Variants in TNC observed in about 807,000 individuals in gnomAD.
TNC encodes the protein tenascin C, also known as tenascin.
A neutral mutation model predicts 202.4 loss-of-function variants in TNC; 109 were observed. That is an observed-to-expected ratio of 0.54 (90% confidence interval 0.46 to 0.63). The LOEUF (loss-of-function observed/expected upper bound fraction) is 0.63, where lower values mean the gene tolerates loss of function less well. Among genes scored for constraint, TNC ranks in the 30% least tolerant of loss-of-function variants. The pLI is 0.00. For missense variants in TNC, 2,756 were observed against 2,833.3 expected, an observed-to-expected ratio of 0.97 and a Z score of 0.62; for synonymous variants, 1,007 against 1,089.7, an observed-to-expected ratio of 0.92 and a Z score of 1.50.
At chr9:115,060,034 C>G in intron 13 of TNC, 32 bp from the exon 14 acceptor site, 2 of 1,563,356 alleles carry the variant, frequency 1.3e-6, no homozygotes, top group East Asian at 2.3e-5. Flanking sequence ...TTTGTCAGTT[C>G]TATAAACCAA....
In TNC at chr9:115,111,399, CTTTTTTTTTT is replaced by C. The variant is rs71375272; in HGVS notation, c.-137+6573_-137+6582del. Among the ~76,000 whole-genome samples the C allele has an allele frequency of 1.1e-3, 75 of 71,360 alleles. 1 individual carries two copies. The highest frequency in any genetic ancestry group is 4.2e-3 in the African/African-American group (70 of 16,628). 46.8% of individuals were successfully genotyped at this position (71,360 alleles called of 152,430 possible). On this transcript the variant is annotated intron_variant, in intron 1 of 27. Transcript: ENST00000350763. Reference sequence around the variant, plus strand: ...GCTTATAGACTTTCTCTCTCTCTCTCTTTTTTTTTTTTTTTTTTTTTTTTTTGAGATGGAA... The same window carrying C: ...GCTTATAGACTTTCTCTCTCTCTCTCTTTTTTTTTTTTTTTTGAGATGGAA...
At position 115,077,110 on chromosome 9, in the gene TNC, A is replaced by C. The variant is rs142099520; in HGVS notation, c.2675-535T>G. 1.1e-3 allele frequency among the ~76,000 whole-genome samples: 162 copies of C among 152,270 alleles called. 1 individual carries two copies. The highest frequency in any genetic ancestry group is 3.8e-3 in the African/African-American group (156 of 41,556). ...GAGTCTCGCTCTTCACCCAGGTTGGAATGCAGTGGTGCGATCTCGGCTCAC... is the reference window on the plus strand; with the variant it reads ...GAGTCTCGCTCTTCACCCAGGTTGGCATGCAGTGGTGCGATCTCGGCTCAC... On this transcript the variant is annotated intron_variant, in intron 7 of 27. Coordinates refer to ENST00000350763, the MANE Select transcript of TNC (RefSeq NM_002160.4).
rs745798771 is a variant in TNC at position 115,063,886 on chromosome 9, C to G, written c.3670G>C (p.Gly1224Arg). The G allele has an allele frequency of 3.1e-6, 5 of 1,614,072 alleles. No homozygotes were observed. The highest frequency in any genetic ancestry group is 4.2e-6 in the Non-Finnish European group (5 of 1,180,034). The change falls in exon 12 of 28, where the codon GGG (glycine) becomes CGG (arginine). Residue 1224 changes from glycine to arginine, a missense_variant. Gly to Arg is a moderately radical substitution (Grantham distance 125). This residue lies in a region of TNC where 2,559 missense variants were observed against 2,546.0 expected (regional missense o/e 1.01). Transcript: ENST00000350763. Reference protein sequence around the residue: ...PGGLRSTDLPGLKAATHYTIT... With the variant: ...PGGLRSTDLPRLKAATHYTIT... ...GTATAATGAGTGGCTGCTTTGAGCC[C>G]AGGCAGGTCTGTGGACCTCAGTCCT...
rs1832802791 is a variant in TNC, at chr9:115,064,646, C to T, written c.3487+1G>A. 1 of 1,597,826 alleles carries T rather than the reference C, an allele frequency of 6.3e-7. No individual in the cohort carries two copies. The highest frequency in any genetic ancestry group is 2.2e-5 in the East Asian group (1 of 44,480). On this transcript the variant is annotated splice_donor_variant, in intron 11 of 27. Coordinates refer to ENST00000350763, the MANE Select transcript of TNC (RefSeq NM_002160.4). LOFTEE classifies it high-confidence loss of function. The stretch of plus-strand genomic sequence containing the variant: ...GCTATAAATAGAAAGGAAAGAGATA[C>T]CTGTGGAGGCCTCAGCAGAGAGCAC...
At chr9:115,060,090 G>T in intron 13 of TNC, 88 bp from the exon 14 acceptor site, 1 of 1,344,570 alleles carries the variant, frequency 7.4e-7, no homozygotes, top group Non-Finnish European at 9.9e-7. Context: ...AGGAAAGAGA[G>T]AAAGGGGAAA....
Position 115,030,683 on chromosome 9 carries a change from A to C in TNC, c.5921-278T>G, listed in dbSNP as rs2274752. 1.2e-4 allele frequency among the ~76,000 whole-genome samples: 19 copies of C among 152,306 alleles called. No individual in the cohort carries two copies. In the East Asian group the frequency reaches 3.7e-3, roughly 29 times the overall value. On this transcript the variant is annotated intron_variant, in intron 23 of 27. Transcript: ENST00000350763. ...TTCTTATTTATTTCACAGCCCTAGT[A>C]TAAGAGCATCTTTAGGATACATTCA...
At chr9:115,028,924 GAAAAAAAAAAAAAA>G (rs57737243) in intron 25 of TNC, among the ~76,000 whole-genome samples, 2,224 of 63,518 alleles carry the variant, frequency 0.035, 14 homozygotes, top group East Asian at 0.067. Flanking sequence ...CATTATCTCT[GAAAAAAAAAAAAAA>G]AAAAAAAAAA....
Position 115,041,079 on chromosome 9 carries a change from G to C in TNC, c.5254C>G (p.Pro1752Ala), listed in dbSNP as rs201089236. ...GTTCCGTCCACAGTTACCATGGAGG[G>C]TGTACCTGGAACACAGTAAAAGCAA... is the stretch of plus-strand genomic sequence containing the variant. ...ITYVPITGGT[P>A]SMVTVDGTKT... is the part of the protein sequence containing the mutation. The change falls in exon 19 of 28, where the codon CCC (proline) becomes GCC (alanine). Residue 1752 changes from proline to alanine, a missense_variant. By Grantham distance (27) the Pro-to-Ala change is conservative. Coordinates refer to ENST00000350763, the MANE Select transcript of TNC (RefSeq NM_002160.4). 1.2e-6 allele frequency: 2 copies of C among 1,612,870 alleles called. No individual in the cohort carries two copies.
intron 20 of TNC, among the ~76,000 whole-genome samples, chr9:115,036,704 C>T (rs1426574413): frequency 6.6e-6 from 1 of 152,206 alleles, no homozygotes; most frequent in African/African-American, 2.4e-5. Context: ...AAAAACTGGA[C>T]AGCAGTAGCT....
intron 25 of TNC, among the ~76,000 whole-genome samples, chr9:115,027,710 C>T (rs1396067510): frequency 6.6e-6 from 1 of 152,084 alleles, no homozygotes; most frequent in African/African-American, 2.4e-5. Flanking sequence ...GGCAGTGGTG[C>T]ATAGAACAAT....
At chr9:115,032,585 A>G (rs1204128190) in intron 22 of TNC, among the ~76,000 whole-genome samples, 1 of 152,216 alleles carries the variant, frequency 6.6e-6, no homozygotes, top group East Asian at 1.9e-4. Context: ...TCTCAGACTG[A>G]TGGAATCATC....
Position 115,078,104 on chromosome 9 carries a change from C to T in TNC, c.2513G>A (p.Gly838Asp). ...AEIDGIELTY[G>D]IKDVPGDRTT... Reference sequence around the variant, plus strand: ...ACGGTCTCCTGGCACGTCTTTGATGCCGTAGGTCAGCTCAATGCCATCGAT... The same window carrying T: ...ACGGTCTCCTGGCACGTCTTTGATGTCGTAGGTCAGCTCAATGCCATCGAT... The change falls in exon 7 of 28, where the codon GGC becomes GAC. Residue 838 changes from glycine to aspartate, a missense_variant. Physicochemically the swap from Gly to Asp is moderately conservative, Grantham distance 94. Around this residue, in one of 2 missense-constraint regions of TNC, gnomAD observed 2,559 missense variants for 2,546.0 expected, o/e 1.01. Transcript: ENST00000350763. 1.9e-6 allele frequency: 3 copies of T among 1,614,182 alleles called. No individual in the cohort carries two copies. Among genetic ancestry groups the T allele is most frequent in the East Asian group, 2.2e-5 (1 of 44,886 alleles).
At position 115,069,622 on chromosome 9, in the gene TNC, C is replaced by T. The variant is rs1342867315; in HGVS notation, c.3214+3981G>A. 1.6e-3 allele frequency among the ~76,000 whole-genome samples: 20 copies of T among 12,372 alleles called. 1 individual carries two copies. The highest frequency in any genetic ancestry group is 2.6e-3 in the Non-Finnish European group (15 of 5,710). 8.1% of individuals were successfully genotyped at this position (12,372 alleles called of 152,430 possible). ...TTCCTCCCTCCCTCCCTCCCTCTCT[C>T]CCTCCCTCCCTCCCTCCCTTCCTCC... is the stretch of plus-strand genomic sequence containing the variant. On this transcript the variant is annotated intron_variant, in intron 10 of 27. Transcript: ENST00000350763.
chr9:115,037,017 A>G (rs1299488250), intron 20 of TNC, among the ~76,000 whole-genome samples: 1 of 152,158 alleles, frequency 6.6e-6, no homozygotes, highest in African/African-American at 2.4e-5. Context: ...CCCATGAACT[A>G]TACCTGATTC....
At chr9:115,063,551 A>G (rs1434746023) in intron 12 of TNC, among the ~76,000 whole-genome samples, 6 of 152,156 alleles carry the variant, frequency 3.9e-5, no homozygotes, top group East Asian at 1.9e-4. Flanking sequence ...ACTGAAACTT[A>G]CTTTGAAAGA....
chr9:115,090,767 G>A lies in TNC; in HGVS notation c.252C>T (p.Ser84=), dbSNP rs146968992. The part of the protein sequence containing the change: ...EKDLAPPSEP[S]ESFQEHTVDG... Reference sequence around the variant, plus strand: ...CCACTGTGTGCTCCTGAAAGCTTTCGCTGGGCTCTGAAGGCGGTGCCAGGT... The same window carrying A: ...CCACTGTGTGCTCCTGAAAGCTTTCACTGGGCTCTGAAGGCGGTGCCAGGT... Residue 84 remains serine, a synonymous_variant, in exon 2 of 28, where the codon AGC becomes AGT. Transcript: ENST00000350763. 3.2e-5 allele frequency: 52 copies of A among 1,614,076 alleles called. No individual in the cohort carries two copies. Among genetic ancestry groups the A allele is most frequent in the South Asian group, 1.2e-4 (11 of 91,086 alleles).
chr9:115,022,804 G>A (rs1274570321), intron 27 of TNC, among the ~76,000 whole-genome samples: 1 of 152,144 alleles, frequency 6.6e-6, no homozygotes, highest in Admixed American at 6.5e-5. Context: ...ATAAACCCTT[G>A]AGATACAGAA....
chr9:115,028,482 A>G (rs1829682149), intron 25 of TNC, among the ~76,000 whole-genome samples: 1 of 152,200 alleles, frequency 6.6e-6, no homozygotes, highest in African/African-American at 2.4e-5. Flanking sequence ...CAATGATATC[A>G]GTGAGGAGGA....
intron 7 of TNC, 86 bp downstream of exon 7, chr9:115,077,857 G>C: frequency 7.1e-7 from 1 of 1,414,246 alleles, no homozygotes. Flanking sequence ...TGTAAAATGA[G>C]CCTGGAAGAT....
Sources: allele counts gnomAD v4.1 joint callset (sites outside exome capture counted in the v4.1 genomes callset), GRCh38; gene constraint gnomAD v4.1.1; regional missense constraint gnomAD v4.1.1; transcripts MANE v1.5; gene names NCBI Gene and HGNC (gene_info 2026-07-23, HGNC 2026-07-21).